ENTREP2: variants seen among roughly 807,000 people sequenced by gnomAD.
ENTREP2 encodes the protein endosomal transmembrane epsin interactor 2.
chr15:29,575,167 C>T, the ENTREP2 span, among the ~76,000 whole-genome samples: 2 of 152,134 alleles, frequency 1.3e-5, no homozygotes, highest in African/African-American at 2.4e-5. Context: ...ATGGCTGCAT[C>T]CCTGGAGCAG....
chr15:29,408,972 C>G, the ENTREP2 span, among the ~76,000 whole-genome samples: 1 of 152,196 alleles, frequency 6.6e-6, no homozygotes, highest in Non-Finnish European at 1.5e-5. Context: ...ATTAACACAT[C>G]TAAAATATAC....
the ENTREP2 span, among the ~76,000 whole-genome samples, chr15:29,219,718 C>G: frequency 7.4e-6 from 1 of 135,588 alleles, no homozygotes; most frequent in Admixed American, 7.9e-5. Flanking sequence ...TTTGCAGTGA[C>G]CTGGATGAGA....
At chr15:29,171,748 T>C in the ENTREP2 span, among the ~76,000 whole-genome samples, 1 of 152,082 alleles carries the variant, frequency 6.6e-6, no homozygotes, top group Admixed American at 6.5e-5. Context: ...CTGGTTTTCA[T>C]GTGGAATAAT....
At chr15:29,429,761 G>A in the ENTREP2 span, among the ~76,000 whole-genome samples, 3 of 152,202 alleles carry the variant, frequency 2.0e-5, no homozygotes, top group African/African-American at 7.2e-5. Flanking sequence ...GGAATACAGA[G>A]AAGCAGGTAT....
chr15:29,200,280 A>G, the ENTREP2 span, among the ~76,000 whole-genome samples: 22 of 152,074 alleles, frequency 1.4e-4, no homozygotes, highest in Admixed American at 1.4e-3. Context: ...GGTTCAAGCG[A>G]TTCTCATGGC....
At chr15:29,534,106 C>CAAAAAA in the ENTREP2 span, among the ~76,000 whole-genome samples, 13 of 44,900 alleles carry the variant, frequency 2.9e-4, no homozygotes, top group East Asian at 9.1e-4. Flanking sequence ...GCCCCTTGGC[C>CAAAAAA]AAAAAAAAAA....
chr15:29,491,482 A>G, the ENTREP2 span, among the ~76,000 whole-genome samples: 102 of 152,232 alleles, frequency 6.7e-4, no homozygotes, highest in Non-Finnish European at 1.3e-3. Flanking sequence ...CAAACCATCA[A>G]TTCTTTTGCT....
At chr15:29,546,052 T>C in the ENTREP2 span, among the ~76,000 whole-genome samples, 1 of 152,156 alleles carries the variant, frequency 6.6e-6, no homozygotes, top group Non-Finnish European at 1.5e-5. Flanking sequence ...ACCTTCTATC[T>C]CAACAATGAA....
At chr15:29,547,057 C>T in the ENTREP2 span, among the ~76,000 whole-genome samples, 1 of 150,842 alleles carries the variant, frequency 6.6e-6, no homozygotes, top group Non-Finnish European at 1.5e-5. Context: ...AAGAAAGAAA[C>T]AGAACAACCA....
At chr15:29,179,877 G>A in the ENTREP2 span, among the ~76,000 whole-genome samples, 1 of 152,190 alleles carries the variant, frequency 6.6e-6, no homozygotes, top group South Asian at 2.1e-4. Flanking sequence ...GAGCCACCGC[G>A]CCCAGCCAGG....
chr15:29,257,587 C>T, the ENTREP2 span, among the ~76,000 whole-genome samples: 4 of 152,178 alleles, frequency 2.6e-5, no homozygotes, highest in South Asian at 8.3e-4. Flanking sequence ...CCACATTCCT[C>T]ATCATACGAC....
chr15:29,354,056 A>G, the ENTREP2 span, among the ~76,000 whole-genome samples: 2 of 152,192 alleles, frequency 1.3e-5, no homozygotes, highest in African/African-American at 2.4e-5. Context: ...TTGAATCTGT[A>G]GACTGGAGTA....
the ENTREP2 span, among the ~76,000 whole-genome samples, chr15:29,634,746 C>T: frequency 2.0e-5 from 3 of 152,218 alleles, no homozygotes; most frequent in Non-Finnish European, 4.4e-5. Flanking sequence ...GTTGGGGTCC[C>T]CATGGCTCCT....
chr15:29,384,218 G>C, the ENTREP2 span, among the ~76,000 whole-genome samples: 1 of 152,120 alleles, frequency 6.6e-6, no homozygotes, highest in African/African-American at 2.4e-5. Flanking sequence ...TGACATTTCA[G>C]ACCCTGACTT....
the ENTREP2 span, among the ~76,000 whole-genome samples, chr15:29,319,186 C>G: frequency 1.3e-5 from 2 of 152,236 alleles, no homozygotes; most frequent in Non-Finnish European, 2.9e-5. Context: ...CAGGCCACTT[C>G]TTACTTCACT....
At chr15:29,657,412 A>G in the ENTREP2 span, among the ~76,000 whole-genome samples, 25 of 146,710 alleles carry the variant, frequency 1.7e-4, no homozygotes, top group Admixed American at 1.4e-3. Context: ...AGCAGCTATA[A>G]AGAAGCAAAG....
At chr15:29,246,094 A>G in the ENTREP2 span, among the ~76,000 whole-genome samples, 1 of 152,248 alleles carries the variant, frequency 6.6e-6, no homozygotes, top group South Asian at 2.1e-4. Flanking sequence ...ATGAATATGT[A>G]CAAAGAATAC....
the ENTREP2 span, among the ~76,000 whole-genome samples, chr15:29,638,437 T>C: frequency 6.6e-6 from 1 of 152,266 alleles, no homozygotes; most frequent in African/African-American, 2.4e-5. Context: ...CCCTGCCAGC[T>C]GAGAACCACT....
chr15:29,258,634 TTAAG>T, the ENTREP2 span, among the ~76,000 whole-genome samples: 7 of 152,186 alleles, frequency 4.6e-5, no homozygotes, highest in African/African-American at 1.7e-4. Context: ...TTTAATGACA[TTAAG>T]TATGTTCACA....
Sources: allele counts gnomAD v4.1 joint callset (sites outside exome capture counted in the v4.1 genomes callset), GRCh38; gene constraint gnomAD v4.1.1; transcripts MANE v1.5; gene names NCBI Gene and HGNC (gene_info 2026-07-23, HGNC 2026-07-21).